Variants in MBD5 observed in about 807,000 individuals in gnomAD.
MBD5 encodes methyl-CpG-binding domain protein 5.
A neutral mutation model predicts 117.3 loss-of-function variants in MBD5; 13 were observed. The observed-to-expected ratio is 0.11, with a 90% CI of 0.07 to 0.18. The LOEUF (loss-of-function observed/expected upper bound fraction) is 0.18. Ranked by LOEUF, MBD5 falls within the 10% of genes least tolerant of loss-of-function variation. MBD5 has a pLI of 1.00. For missense variants in MBD5, 1,879 were observed against 2,093.8 expected (o/e 0.90, Z 2.00); for synonymous variants, 727 against 766.4 (o/e 0.95, Z 0.85).
At chr2:148,420,560 G>T (rs1346357594) in intron 4 of MBD5, among the ~76,000 whole-genome samples, 1 of 152,046 alleles carries the variant, frequency 6.6e-6, no homozygotes, top group Admixed American at 6.6e-5. Flanking sequence ...TCACCTCTGT[G>T]TATTTGTGTA....
chr2:148,139,739 C>A (rs372430024), intron 1 of MBD5, among the ~76,000 whole-genome samples: 1 of 152,136 alleles, frequency 6.6e-6, no homozygotes, highest in Non-Finnish European at 1.5e-5. Context: ...TAGCTACCCC[C>A]CTGCACCCAT....
rs1680726775 is a variant in MBD5, at chr2:148,469,709, C to A, written c.1766C>A (p.Ala589Glu). The A allele has an allele frequency of 6.2e-7, 1 of 1,613,812 alleles. No homozygotes were observed. Among genetic ancestry groups the A allele is most frequent in the African/African-American group, 1.3e-5 (1 of 74,906 alleles). The stretch of plus-strand genomic sequence containing the variant: ...TCAGCAGCAGCCAAAGCACAGCTAG[C>A]AAATCAAAACAAACTTGCTGGTAAC... ...LLSAAAKAQL[A>E]NQNKLAGNNS... is the part of the protein sequence containing the mutation. Residue 589 changes from alanine to glutamate, a missense_variant, in exon 8 of 14, where the codon GCA becomes GAA. Around this residue, in one of 4 missense-constraint regions of MBD5, gnomAD observed 1,666 missense variants for 1,792.2 expected, o/e 0.93. Transcript: ENST00000642680.
In MBD5 at chr2:148,489,432, C is replaced by T. The variant is rs1681444814; in HGVS notation, c.3800C>T (p.Thr1267Ile). 1 of 1,614,168 alleles carries T rather than the reference C, an allele frequency of 6.2e-7. No individual in the cohort carries two copies. Among genetic ancestry groups the T allele is most frequent in the Non-Finnish European group, 8.5e-7 (1 of 1,180,014 alleles). ...GCTCTCCTAAACAAAAGAATAAGCA[C>T]TCAGCCTGGGCTCACAGCACTTCCT... ...DAALLNKRISTQPGLTALPEN... is the reference protein window; with the variant it reads ...DAALLNKRISIQPGLTALPEN... Residue 1267 changes from threonine (T) to isoleucine (I), a missense_variant, in exon 11 of 14, where the codon ACT (threonine) becomes ATT (isoleucine). By Grantham distance (89) the Thr-to-Ile change is moderately conservative (BLOSUM62 -1). This residue lies in a region of MBD5 where 1,666 missense variants were observed against 1,792.2 expected (regional missense o/e 0.93). Transcript: ENST00000642680.
At chr2:148,055,418 C>CTTTTTTTTTTTTTTT (rs56877252) in intron 1 of MBD5, 1 of 140,918 alleles carries the variant, frequency 7.1e-6, no homozygotes. Flanking sequence ...ATAGGTTTTT[C>CTTTTTTTTTTTTTTT]TTTTTTTTTT....
chr2:148,428,128 A>G (rs1426769561), intron 4 of MBD5, among the ~76,000 whole-genome samples: 2 of 152,142 alleles, frequency 1.3e-5, no homozygotes, highest in Non-Finnish European at 2.9e-5. Context: ...CCTTAAGCAG[A>G]TAAGGAACTT....
Position 148,307,862 on chromosome 2 carries a change from G to T in MBD5, c.-679-34352G>T, listed in dbSNP as rs1431634468. Among the ~76,000 whole-genome samples the T allele has an allele frequency of 2.0e-5, 3 of 149,340 alleles. No homozygotes were observed. The East Asian group carries it at 5.9e-4, about 29-fold the overall frequency. ...TGTGACCATATGTTCTCATTGTTCA[G>T]TTCCCACTTGTAAGTGAGAACATGT... On this transcript the variant is annotated intron_variant, in intron 3 of 13. Coordinates refer to ENST00000642680, the MANE Select transcript of MBD5 (RefSeq NM_001378120.1).
chr2:148,378,187 A>G (rs1295112785), intron 4 of MBD5, among the ~76,000 whole-genome samples: 6 of 152,158 alleles, frequency 3.9e-5, no homozygotes, highest in Non-Finnish European at 7.4e-5. Flanking sequence ...CTTAAAAATG[A>G]TACTGTATGT....
chr2:148,198,498 CAATA>C (rs1254341093), intron 2 of MBD5, among the ~76,000 whole-genome samples: 3 of 151,958 alleles, frequency 2.0e-5, no homozygotes, highest in African/African-American at 7.2e-5. Context: ...ATATAAAGAA[CAATA>C]AATAAGTCTA....
intron 4 of MBD5, among the ~76,000 whole-genome samples, chr2:148,455,779 A>T (rs969556813): frequency 2.0e-5 from 3 of 152,126 alleles, no homozygotes; most frequent in Admixed American, 2.0e-4. Context: ...AAGGTATCAA[A>T]TAGAAAGCTG....
At chr2:148,061,222 A>G (rs1420173750) in intron 1 of MBD5, among the ~76,000 whole-genome samples, 7 of 152,080 alleles carry the variant, frequency 4.6e-5, no homozygotes, top group Admixed American at 2.6e-4. Context: ...CGTGATGTTA[A>G]GTCTCACTGA....
chr2:148,515,903 CA>C lies in MBD5; in HGVS notation c.*2963del, dbSNP rs1237056385. On this transcript the variant is annotated 3_prime_UTR_variant, in exon 14 of 14. Coordinates refer to ENST00000642680, the MANE Select transcript of MBD5 (RefSeq NM_001378120.1). ...CTTGTTTGTAGCATTAAAAGCAAAC[CA>C]GGGTTTTTATTTATTTAAAGGAACA... 2 of 152,110 alleles carry C rather than the reference CA, an allele frequency of 1.3e-5. No homozygotes were observed. Among genetic ancestry groups the C allele is most frequent in the African/African-American group, 4.8e-5 (2 of 41,426 alleles). The allele number at this position is 152,110 out of a possible 1,614,324, so 9.4% of individuals were successfully genotyped here.
At chr2:148,383,114 AC>A (rs1302532257) in intron 4 of MBD5, among the ~76,000 whole-genome samples, 1 of 152,160 alleles carries the variant, frequency 6.6e-6, no homozygotes, top group African/African-American at 2.4e-5. Flanking sequence ...TCAGAGCAGA[AC>A]TGAAGGAAAT....
At chr2:148,261,600 C>A (rs570873093) in intron 3 of MBD5, among the ~76,000 whole-genome samples, 1 of 152,182 alleles carries the variant, frequency 6.6e-6, no homozygotes, top group African/African-American at 2.4e-5. Context: ...TGATCTTCTC[C>A]CAAGACCACT....
At chr2:148,224,380 G>A (rs191490516) in intron 2 of MBD5, among the ~76,000 whole-genome samples, 10 of 152,034 alleles carry the variant, frequency 6.6e-5, no homozygotes, top group Admixed American at 2.0e-4. Flanking sequence ...GTCTCGCTCC[G>A]TCACCAGGCT....
intron 2 of MBD5, among the ~76,000 whole-genome samples, chr2:148,195,584 A>G (rs576355236): frequency 6.6e-6 from 1 of 152,310 alleles, no homozygotes; most frequent in Non-Finnish European, 1.5e-5. Flanking sequence ...CATATGCCTA[A>G]TAACAACAGA....
At position 148,270,889 on chromosome 2, in the gene MBD5, A is replaced by G. The variant is rs201292674; in HGVS notation, c.-680+37494A>G. Among the ~76,000 whole-genome samples the G allele has an allele frequency of 2.6e-5, 4 of 151,960 alleles. No individual in the cohort carries two copies. In the East Asian group the frequency reaches 7.8e-4, roughly 30 times the overall value. ...TCCTTCTGATTTCCTTCTTTCTGAA[A>G]TTTTTTAATTCCCTTTTCCACAAAC... is the stretch of plus-strand genomic sequence containing the variant. On this transcript the variant is annotated intron_variant, in intron 3 of 13. Coordinates refer to ENST00000642680, the MANE Select transcript of MBD5 (RefSeq NM_001378120.1).
intron 4 of MBD5, among the ~76,000 whole-genome samples, chr2:148,371,233 A>T (rs1703843491): frequency 6.6e-6 from 1 of 152,146 alleles, no homozygotes; most frequent in Non-Finnish European, 1.5e-5. Context: ...ATGACCATAT[A>T]ATTTCTATGA....
chr2:148,294,068 TGAA>T (rs1036485151), intron 3 of MBD5, among the ~76,000 whole-genome samples: 3 of 152,198 alleles, frequency 2.0e-5, no homozygotes, highest in African/African-American at 7.2e-5. Context: ...ACTGGATTCT[TGAA>T]GAAGTTTCTT....
chr2:148,324,246 C>T (rs1036707134), intron 3 of MBD5, among the ~76,000 whole-genome samples: 1 of 152,058 alleles, frequency 6.6e-6, no homozygotes, highest in Non-Finnish European at 1.5e-5. Context: ...GTTACTGTAG[C>T]CTTGTAGTAT....
Sources: gnomAD v4.1 joint callset for allele counts (sites outside exome capture counted in the v4.1 genomes callset) on GRCh38, gnomAD v4.1.1 for gene constraint, gnomAD v4.1.1 regional missense constraint, MANE v1.5 for transcripts, NCBI Gene and HGNC (gene_info 2026-07-23, HGNC 2026-07-21) for gene names.